Variants in PAK1 observed in about 807,000 individuals in gnomAD.
PAK1 encodes the protein p21 (RAC1) activated kinase 1, also known as serine/threonine-protein kinase PAK 1.
PAK1 carries 29 observed loss-of-function variants against 67.4 expected under a neutral mutation model. That is an observed-to-expected ratio of 0.43 (90% CI 0.32 to 0.59). PAK1 has a LOEUF of 0.59. Ranked by LOEUF, PAK1 falls within the 20% of genes least tolerant of loss-of-function variation. The pLI is 0.07. For synonymous variants in PAK1, 223 were observed against 237.4 expected (o/e 0.94, Z 0.56); for missense variants, 337 against 670.7 (o/e 0.50, Z 5.50).
At chr11:77,503,766 C>A in the PAK1 span, among the ~76,000 whole-genome samples, 6 of 152,172 alleles carry the variant, frequency 3.9e-5, no homozygotes, top group Non-Finnish European at 8.8e-5. Context: ...TCTGGAGGAA[C>A]ACTTGAGCCC....
At chr11:77,399,294 T>C (rs978648635) in intron 1 of PAK1, among the ~76,000 whole-genome samples, 3 of 152,182 alleles carry the variant, frequency 2.0e-5, no homozygotes, top group Admixed American at 6.5e-5. Flanking sequence ...AATAGTGCTG[T>C]AGAACAGTAC....
At chr11:77,333,964 A>G (rs1591706050) in intron 13 of PAK1, among the ~76,000 whole-genome samples, 1 of 151,930 alleles carries the variant, frequency 6.6e-6, no homozygotes, top group Non-Finnish European at 1.5e-5. Context: ...GTTCGAGACC[A>G]TCGAGAACAG....
chr11:77,491,229 C>G, the PAK1 span, among the ~76,000 whole-genome samples: 1 of 141,484 alleles, frequency 7.1e-6, no homozygotes, highest in African/African-American at 2.6e-5. Flanking sequence ...TCAATGGTAA[C>G]AGTAAGTACA....
At chr11:77,435,435 A>G (rs1486035714) in intron 1 of PAK1, among the ~76,000 whole-genome samples, 1 of 152,100 alleles carries the variant, frequency 6.6e-6, no homozygotes, top group African/African-American at 2.4e-5. Context: ...AAGATTATGT[A>G]AGAAAACAGA....
intron 1 of PAK1, among the ~76,000 whole-genome samples, chr11:77,409,451 T>C (rs573917302): frequency 6.6e-6 from 1 of 152,250 alleles, no homozygotes; most frequent in East Asian, 1.9e-4. Context: ...TTACTGAGTA[T>C]ATATCTAAAA....
chr11:77,496,294 G>C, the PAK1 span, among the ~76,000 whole-genome samples: 2 of 152,070 alleles, frequency 1.3e-5, no homozygotes, highest in African/African-American at 4.8e-5. Flanking sequence ...TGGATTACAG[G>C]CATGAGCCAC....
intron 1 of PAK1, among the ~76,000 whole-genome samples, chr11:77,401,906 A>C (rs539933665): frequency 6.6e-6 from 1 of 152,334 alleles, no homozygotes; most frequent in South Asian, 2.1e-4. Context: ...AAAAAACTGA[A>C]GTTTGTTTAA....
At chr11:77,453,211 C>T (rs1251560130) in intron 1 of PAK1, among the ~76,000 whole-genome samples, 1 of 152,080 alleles carries the variant, frequency 6.6e-6, no homozygotes, top group Non-Finnish European at 1.5e-5. Flanking sequence ...AAAAATTAGC[C>T]AGGTGTATGG....
At chr11:77,372,082 A>C (rs985588502) in intron 5 of PAK1, among the ~76,000 whole-genome samples, 1 of 152,244 alleles carries the variant, frequency 6.6e-6, no homozygotes, top group African/African-American at 2.4e-5. Context: ...TTTGTACATA[A>C]GTAATTGTGA....
At chr11:77,457,503 A>G (rs1957133463) in intron 1 of PAK1, among the ~76,000 whole-genome samples, 2 of 152,188 alleles carry the variant, frequency 1.3e-5, no homozygotes, top group Admixed American at 6.5e-5. Context: ...GGGGCGCATT[A>G]GCATTACATT....
At chr11:77,434,884 G>A (rs1956041684) in intron 1 of PAK1, among the ~76,000 whole-genome samples, 1 of 152,100 alleles carries the variant, frequency 6.6e-6, no homozygotes, top group African/African-American at 2.4e-5. Flanking sequence ...CTCTCAAAGT[G>A]GTGGGATTAC....
At chr11:77,474,239 G>C (rs1286969164), upstream of PAK1, 1 of 151,618 alleles carries the variant, frequency 6.6e-6, no homozygotes. Flanking sequence ...CTGCGGCTCC[G>C]GTGGAGCCGT....
chr11:77,323,171 G>A lies in PAK1; in HGVS notation c.*103C>T, dbSNP rs771138884. On this transcript the variant is annotated 3_prime_UTR_variant, in exon 15 of 15. Transcript: ENST00000356341. ...TGAGGAGTGCTAGATCAGGAAATGG[G>A]AGAAGCAAGGCAAGGAGAAGAGGGC... The A allele has an allele frequency of 1.9e-6, 3 of 1,567,504 alleles. No individual in the cohort carries two copies. Among genetic ancestry groups the A allele is most frequent in the Non-Finnish European group, 2.6e-6 (3 of 1,155,758 alleles).
intron 10 of PAK1, 140 bp from the exon 11 acceptor site, chr11:77,340,903 G>A: frequency 1.5e-6 from 1 of 647,394 alleles, no homozygotes; most frequent in Non-Finnish European, 2.8e-6. Flanking sequence ...TTACTTTGGG[G>A]AAAAGCAGAA....
intron 11 of PAK1, 107 bp from the exon 12 acceptor site, chr11:77,337,530 G>T: frequency 3.7e-6 from 2 of 539,594 alleles, no homozygotes; most frequent in South Asian, 3.0e-5. Flanking sequence ...AATAAAGGAA[G>T]TAAGGCCCCA....
chr11:77,494,890 G>A, the PAK1 span, among the ~76,000 whole-genome samples: 870 of 152,180 alleles, frequency 5.7e-3, 7 homozygotes, highest in African/African-American at 0.019. Context: ...TAGGCTGGGC[G>A]CGGTGGCTCA....
At chr11:77,459,627 A>G (rs1283968910) in intron 1 of PAK1, among the ~76,000 whole-genome samples, 3 of 152,100 alleles carry the variant, frequency 2.0e-5, no homozygotes, top group African/African-American at 7.2e-5. Flanking sequence ...ACAAATCATT[A>G]TAAATGCCAT....
chr11:77,503,581 G>A, the PAK1 span, among the ~76,000 whole-genome samples: 1 of 152,218 alleles, frequency 6.6e-6, no homozygotes, highest in Non-Finnish European at 1.5e-5. Context: ...TAAAGTATTA[G>A]GTCAGGCATG....
the PAK1 span, among the ~76,000 whole-genome samples, chr11:77,527,667 C>A: frequency 6.6e-6 from 1 of 152,138 alleles, no homozygotes; most frequent in Non-Finnish European, 1.5e-5. Flanking sequence ...ATAGTCCTGG[C>A]TCAGCAGATG....
Sources: allele counts gnomAD v4.1 joint callset (sites outside exome capture counted in the v4.1 genomes callset), GRCh38; gene constraint gnomAD v4.1.1; transcripts MANE v1.5; gene names NCBI Gene and HGNC (gene_info 2026-07-23, HGNC 2026-07-21).